The following LHFPL3 variants were observed in gnomAD, a reference collection of about 807,000 sequenced individuals.
LHFPL3 encodes the protein LHFPL tetraspan subfamily member 3 protein.
A neutral mutation model predicts 19.3 loss-of-function variants in LHFPL3; 5 were observed. That is an observed-to-expected ratio of 0.26 (90% CI 0.14 to 0.54). LHFPL3 has a LOEUF of 0.54. Ranked by LOEUF, LHFPL3 falls within the 20% of genes least tolerant of loss-of-function variation. LHFPL3 has a pLI of 0.94. For synonymous variants in LHFPL3, 133 were observed against 126.2 expected (o/e 1.05, Z -0.36); for missense variants, 249 against 307.4 (o/e 0.81, Z 1.42).
At chr7:104,734,451 C>T (rs1384233502) in intron 1 of LHFPL3, among the ~76,000 whole-genome samples, 5 of 152,196 alleles carry the variant, frequency 3.3e-5, no homozygotes, top group Admixed American at 1.3e-4. Context: ...CCTCTCTTCT[C>T]ACTTCATTTC....
chr7:104,430,308 C>T (rs1429981650), intron 1 of LHFPL3, among the ~76,000 whole-genome samples: 10 of 140,744 alleles, frequency 7.1e-5, no homozygotes, highest in Non-Finnish European at 1.1e-4. Context: ...TCTTCTAAAG[C>T]CTGTTTGTAG....
chr7:104,743,683 C>T (rs182891060), intron 2 of LHFPL3, among the ~76,000 whole-genome samples: 2 of 151,936 alleles, frequency 1.3e-5, no homozygotes, highest in Admixed American at 6.6e-5. Context: ...TATCATTATC[C>T]CCATTTTACA....
intron 1 of LHFPL3, among the ~76,000 whole-genome samples, chr7:104,402,776 A>G (rs1791340668): frequency 2.6e-5 from 4 of 152,258 alleles, no homozygotes; most frequent in Admixed American, 2.6e-4. Context: ...ATGTCAAATA[A>G]CATTTGTTAG....
intron 1 of LHFPL3, among the ~76,000 whole-genome samples, chr7:104,426,998 TAATA>T (rs1328832508): frequency 6.6e-6 from 1 of 152,140 alleles, no homozygotes; most frequent in Non-Finnish European, 1.5e-5. Context: ...AAAATTGAAT[TAATA>T]AATAACTAAT....
intron 2 of LHFPL3, among the ~76,000 whole-genome samples, chr7:104,848,904 T>TG (rs1791363691): frequency 6.6e-6 from 1 of 151,016 alleles, no homozygotes; most frequent in African/African-American, 2.5e-5. Flanking sequence ...TTTTTGGTTT[T>TG]TTTTTTGTTG....
At chr7:104,894,946 C>A (rs1255701754) in intron 2 of LHFPL3, 1 of 152,198 alleles carries the variant, frequency 6.6e-6, no homozygotes, top group Non-Finnish European at 1.5e-5. Context: ...CTTGAGTGTA[C>A]ATGAGAATCA....
chr7:104,518,846 GAATA>G (rs746037329), intron 1 of LHFPL3, among the ~76,000 whole-genome samples: 1,865 of 141,474 alleles, frequency 0.013, 21 homozygotes, highest in Non-Finnish European at 0.015. Flanking sequence ...TAGATAGATA[GAATA>G]AATAAAAAAA....
At chr7:104,685,926 G>A (rs1462061633) in intron 1 of LHFPL3, among the ~76,000 whole-genome samples, 1 of 152,214 alleles carries the variant, frequency 6.6e-6, no homozygotes, top group Admixed American at 6.5e-5. Flanking sequence ...GACTGAAGGA[G>A]CCTACCATTC....
intron 1 of LHFPL3, among the ~76,000 whole-genome samples, chr7:104,575,113 A>G (rs1790300388): frequency 6.6e-6 from 1 of 152,228 alleles, no homozygotes; most frequent in Admixed American, 6.5e-5. Flanking sequence ...ACAGAAGACT[A>G]AAGAGGTTAA....
At chr7:104,381,185 A>G (rs902927404) in intron 1 of LHFPL3, among the ~76,000 whole-genome samples, 2 of 152,298 alleles carry the variant, frequency 1.3e-5, no homozygotes, top group Non-Finnish European at 2.9e-5. Flanking sequence ...GTATTCAATG[A>G]GGACTGTAAA....
intron 1 of LHFPL3, among the ~76,000 whole-genome samples, chr7:104,592,712 C>T (rs1456642390): frequency 6.6e-6 from 1 of 152,150 alleles, no homozygotes; most frequent in Non-Finnish European, 1.5e-5. Flanking sequence ...GTGGAGTCTA[C>T]AGAGGCAGGC....
At chr7:104,573,824 T>C (rs1790275844) in intron 1 of LHFPL3, among the ~76,000 whole-genome samples, 1 of 152,252 alleles carries the variant, frequency 6.6e-6, no homozygotes, top group South Asian at 2.1e-4. Context: ...TTGCACACTG[T>C]ATATTGCATG....
At chr7:104,433,474 T>G (rs1792039133) in intron 1 of LHFPL3, among the ~76,000 whole-genome samples, 1 of 152,096 alleles carries the variant, frequency 6.6e-6, no homozygotes, top group Non-Finnish European at 1.5e-5. Flanking sequence ...CTTGCAGTGG[T>G]CTCTCAGGAT....
intron 1 of LHFPL3, among the ~76,000 whole-genome samples, chr7:104,333,111 G>A (rs1045766776): frequency 1.3e-5 from 2 of 152,170 alleles, no homozygotes; most frequent in Middle Eastern, 3.4e-3. Context: ...CTATGTTCTT[G>A]TTCTCTTTAA....
intron 2 of LHFPL3, among the ~76,000 whole-genome samples, chr7:104,791,663 G>T (rs1224911413): frequency 6.6e-6 from 1 of 152,098 alleles, no homozygotes; most frequent in Non-Finnish European, 1.5e-5. Flanking sequence ...GGCCATACTT[G>T]GGAATCTCAA....
intron 2 of LHFPL3, among the ~76,000 whole-genome samples, chr7:104,900,101 A>C (rs948998766): frequency 6.6e-6 from 1 of 152,198 alleles, no homozygotes; most frequent in Non-Finnish European, 1.5e-5. Context: ...CCTGCCATGG[A>C]CCTGTCTTCT....
chr7:104,879,374 C>G (rs1792004658), intron 2 of LHFPL3, among the ~76,000 whole-genome samples: 1 of 152,006 alleles, frequency 6.6e-6, no homozygotes, highest in South Asian at 2.1e-4. Flanking sequence ...TGAGATTGCA[C>G]CACTATGCTC....
intron 1 of LHFPL3, among the ~76,000 whole-genome samples, chr7:104,443,123 A>G (rs1170334307): frequency 6.6e-6 from 1 of 152,160 alleles, no homozygotes; most frequent in Non-Finnish European, 1.5e-5. Flanking sequence ...GCTTAAGGAG[A>G]CAAAGATCAA....
chr7:104,406,207 G>A (rs779542248), intron 1 of LHFPL3, among the ~76,000 whole-genome samples: 15 of 152,186 alleles, frequency 9.9e-5, no homozygotes, highest in Non-Finnish European at 1.8e-4. Context: ...CACGAATGAG[G>A]TGTAATTGTG....
Sources: allele counts gnomAD v4.1 joint callset (sites outside exome capture counted in the v4.1 genomes callset), GRCh38; gene constraint gnomAD v4.1.1; transcripts MANE v1.5; gene names NCBI Gene and HGNC (gene_info 2026-07-23, HGNC 2026-07-21).